Variants in LMX1B observed in about 807,000 individuals in gnomAD.
The protein encoded by LMX1B is LIM homeobox transcription factor 1 beta, also known as LIM homeobox transcription factor 1-beta.
Under a neutral mutation model 51.4 loss-of-function variants are expected in LMX1B, and 12 were observed. The observed-to-expected ratio is 0.23, with a 90% CI of 0.15 to 0.38. The LOEUF (loss-of-function observed/expected upper bound fraction) is 0.38, where lower values mean the gene tolerates loss of function less well. Among genes scored for constraint, LMX1B ranks in the 10% least tolerant of loss-of-function variants. The pLI is 1.00. For synonymous variants in LMX1B, 237 were observed against 235.4 expected (o/e 1.01, Z -0.06); for missense variants, 445 against 571.1 (o/e 0.78, Z 2.25).
chr9:126,614,927 G>A (rs2118821428), intron 1 of LMX1B, among the ~76,000 whole-genome samples: 1 of 152,202 alleles, frequency 6.6e-6, no homozygotes. Flanking sequence ...GTCACCTGGG[G>A]TGGGGGAGAT....
In LMX1B at chr9:126,699,219, AAG is replaced by A. The variant is rs2119005272; in HGVS notation, c.*2773_*2774del. 6.6e-6 allele frequency: 1 copy of A among 152,414 alleles called. No homozygotes were observed. The highest frequency in any genetic ancestry group is 2.1e-4 in the South Asian group (1 of 4,826). 9.4% of individuals were successfully genotyped at this position (152,414 alleles called of 1,614,324 possible). ...ATTTTATAGTTGGAAACCCTGAGGC[AAG>A]AGAGGGAAAGAGGCCTGTCCAAGGT... On this transcript the variant is annotated 3_prime_UTR_variant, in exon 8 of 8. Coordinates refer to ENST00000373474, the MANE Select transcript of LMX1B (RefSeq NM_001174147.2).
chr9:126,684,092 G>A (rs1216377750), intron 2 of LMX1B, among the ~76,000 whole-genome samples: 2 of 152,128 alleles, frequency 1.3e-5, no homozygotes, highest in Non-Finnish European at 2.9e-5. Context: ...AGAGGGTGTA[G>A]CCGGTGGGAA....
At position 126,618,220 on chromosome 9, in the gene LMX1B, C is replaced by G. The variant is rs1384466346; in HGVS notation, c.326+2651C>G. On this transcript the variant is annotated intron_variant, in intron 2 of 7. Coordinates refer to ENST00000373474, the MANE Select transcript of LMX1B (RefSeq NM_001174147.2). The surrounding 1 kb of genome is among the most constrained non-coding windows in gnomAD (Gnocchi z 4.5). ...ACAATCCCCCCACCAAACACAACTT[C>G]TGAAAAATGTGTCCTCACCCCTGGC... Among the ~76,000 whole-genome samples, 4 of 152,192 alleles carry G rather than the reference C, an allele frequency of 2.6e-5. No homozygotes were observed. The highest frequency in any genetic ancestry group is 2.0e-4 in the Admixed American group (3 of 15,288).
intron 2 of LMX1B, among the ~76,000 whole-genome samples, chr9:126,638,770 C>G (rs1405571846): frequency 1.3e-5 from 2 of 152,150 alleles, no homozygotes; most frequent in Admixed American, 1.3e-4. Context: ...AAAATTAACA[C>G]GGGCCGGCGG....
chr9:126,617,028 A>G (rs149818918), intron 2 of LMX1B, among the ~76,000 whole-genome samples: 1,705 of 152,368 alleles, frequency 0.011, 13 homozygotes, highest in Non-Finnish European at 0.015. Flanking sequence ...ATTTAGGCAC[A>G]CTGCCGTAGG....
rs189225664 is a variant in LMX1B at position 126,689,473 on chromosome 9, G to C, written c.327-1363G>C. Among the ~76,000 whole-genome samples the C allele has an allele frequency of 9.2e-3, 1,403 of 152,366 alleles. 12 individuals are homozygous for C. The highest frequency in any genetic ancestry group is 0.011 in the Non-Finnish European group (765 of 68,034). On this transcript the variant is annotated intron_variant, in intron 2 of 7. Transcript: ENST00000373474. Reference sequence around the variant, plus strand: ...AAGGTGGCGCCCGCAGACATGGCCCGGGGACGCCGGGAATGAAAAATGGTT... The same window carrying C: ...AAGGTGGCGCCCGCAGACATGGCCCCGGGACGCCGGGAATGAAAAATGGTT...
rs759716554 is a variant in LMX1B, at chr9:126,653,525, A to T, written c.327-37311A>T. On this transcript the variant is annotated intron_variant, in intron 2 of 7. Transcript: ENST00000373474. The stretch of plus-strand genomic sequence containing the variant: ...GTAGATTCATAGGCAATTGCAAAAA[A>T]TAGAGAGGTCCCTGTACCCTTTGCC... Among the ~76,000 whole-genome samples, 5 of 152,172 alleles carry T rather than the reference A, an allele frequency of 3.3e-5. No homozygotes were observed. The East Asian group carries it at 9.6e-4, about 29-fold the overall frequency.
Position 126,621,652 on chromosome 9 carries a change from C to CCTTTTTTTTTTTTT in LMX1B, c.326+6083_326+6084insCTTTTTTTTTTTTT, listed in dbSNP as rs1564145908. On this transcript the variant is annotated intron_variant, in intron 2 of 7. Transcript: ENST00000373474. ...CTATAGGGTTTTTCTCTCTCTCTCT[C>CCTTTTTTTTTTTTT]TTCTTTTTTTTTTTTTTTTTTTTTT... Among the ~76,000 whole-genome samples the CCTTTTTTTTTTTTT allele has an allele frequency of 7.0e-5, 7 of 100,306 alleles. 2 individuals are homozygous for CCTTTTTTTTTTTTT. The highest frequency in any genetic ancestry group is 9.3e-5 in the Non-Finnish European group (5 of 54,022). The allele number at this position is 100,306 out of a possible 152,430, so 65.8% of individuals were successfully genotyped here.
Position 126,677,653 on chromosome 9 carries a change from G to T in LMX1B, c.327-13183G>T, listed in dbSNP as rs1353013368. Among the ~76,000 whole-genome samples the T allele has an allele frequency of 6.6e-6, 1 of 152,218 alleles. No homozygotes were observed. Among genetic ancestry groups the T allele is most frequent in the African/African-American group, 2.4e-5 (1 of 41,460 alleles). On this transcript the variant is annotated intron_variant, in intron 2 of 7. Transcript: ENST00000373474. This position sits in a 1 kb window ranked among gnomAD's most constrained non-coding sequence, Gnocchi z 5.0. ...CTCCGGTAGTGGTCATGAGGCATCA[G>T]TGAGGCCCCTGAGTGTGAAGCTCTG...
chr9:126,629,962 G>A (rs149430049), intron 2 of LMX1B, among the ~76,000 whole-genome samples: 7,666 of 151,912 alleles, frequency 0.05, 631 homozygotes, highest in African/African-American at 0.18. Flanking sequence ...TGGTTAACAC[G>A]GTGAAACCCC....
At position 126,681,913 on chromosome 9, in the gene LMX1B, T is replaced by A. The variant is rs201421132; in HGVS notation, c.327-8923T>A. 2.2e-3 allele frequency among the ~76,000 whole-genome samples: 322 copies of A among 147,446 alleles called. 5 individuals are homozygous for A. In the East Asian group the frequency reaches 0.048, roughly 22 times the overall value. On this transcript the variant is annotated intron_variant, in intron 2 of 7. Transcript: ENST00000373474. Reference sequence around the variant, plus strand: ...GAGACTCCATCTCAAAAAAAAAAAATAATAATAATAAAATAAAATGCCAAT... The same window carrying A: ...GAGACTCCATCTCAAAAAAAAAAAAAAATAATAATAAAATAAAATGCCAAT...
intron 2 of LMX1B, among the ~76,000 whole-genome samples, chr9:126,683,256 G>A (rs1469961600): frequency 1.3e-5 from 2 of 151,282 alleles, no homozygotes; most frequent in Non-Finnish European, 3.0e-5. Context: ...TTCCAGCCGC[G>A]TGATTGACGC....
intron 2 of LMX1B, among the ~76,000 whole-genome samples, chr9:126,678,309 CAAAA>C (rs1365345216): frequency 1.5e-5 from 1 of 66,006 alleles, no homozygotes; most frequent in Non-Finnish European, 2.9e-5. Flanking sequence ...GACTTCGTCT[CAAAA>C]AAAAAAAACA....
rs2118831258 is a variant in LMX1B at position 126,618,382 on chromosome 9, A to G, written c.326+2813A>G. 6.6e-6 allele frequency among the ~76,000 whole-genome samples: 1 copy of G among 152,338 alleles called. No homozygotes were observed. Among genetic ancestry groups the G allele is most frequent in the South Asian group, 2.1e-4 (1 of 4,824 alleles). ...TACGCACCACGGGGGTGATTAATTG[A>G]CACTGGGGCACATTGAGCCGAATTT... is the stretch of plus-strand genomic sequence containing the variant. On this transcript the variant is annotated intron_variant, in intron 2 of 7. Transcript: ENST00000373474. This position sits in a 1 kb window ranked among gnomAD's most constrained non-coding sequence, Gnocchi z 4.5.
rs552531850 is a variant in LMX1B, at chr9:126,701,030, C to T, written c.*4579C>T. 2.0e-5 allele frequency: 3 copies of T among 152,444 alleles called. No homozygotes were observed. The highest frequency in any genetic ancestry group is 7.2e-5 in the African/African-American group (3 of 41,564). The allele number at this position is 152,444 out of a possible 1,614,324, so 9.4% of individuals were successfully genotyped here. Reference sequence around the variant, plus strand: ...ATTTGTAAATAAACCGACCTGTACACTCCTGTGGTCTTCTCCTTGGTGGGC... The same window carrying T: ...ATTTGTAAATAAACCGACCTGTACATTCCTGTGGTCTTCTCCTTGGTGGGC... On this transcript the variant is annotated 3_prime_UTR_variant, in exon 8 of 8. Transcript: ENST00000373474.
At chr9:126,616,396 T>A (rs1413962831) in intron 2 of LMX1B, among the ~76,000 whole-genome samples, 4 of 152,174 alleles carry the variant, frequency 2.6e-5, no homozygotes, top group Admixed American at 1.3e-4. Context: ...GAGACTGGAT[T>A]TGTATGGCCG....
At chr9:126,689,305 C>T (rs568389239) in intron 2 of LMX1B, among the ~76,000 whole-genome samples, 56 of 152,294 alleles carry the variant, frequency 3.7e-4, no homozygotes, top group Admixed American at 5.9e-4. Flanking sequence ...GCGGTTCTGA[C>T]GGCAGCTCCA....
Position 126,693,760 on chromosome 9 carries a change from G to C in LMX1B, c.834G>C (p.Ala278=). 6.5e-7 allele frequency: 1 copy of C among 1,543,094 alleles called. No homozygotes were observed. Among genetic ancestry groups the C allele is most frequent in the South Asian group, 1.2e-5 (1 of 84,780 alleles). The change falls in exon 6 of 8, where the codon GCG becomes GCC. Residue 278 remains alanine (A), a synonymous_variant. Transcript: ENST00000373474. ...TCTCCCTGCAGATGAAGAAGCTGGCGCGGCGGCACCAGCAGCAGCAGGAGC... is the reference window on the plus strand; with the variant it reads ...TCTCCCTGCAGATGAAGAAGCTGGCCCGGCGGCACCAGCAGCAGCAGGAGC... ...QNQRAKMKKL[A]RRHQQQQEQQ...
rs973819139 is a variant in LMX1B, at chr9:126,695,377, G to C, written c.887-462G>C. Among the ~76,000 whole-genome samples the C allele has an allele frequency of 6.6e-6, 1 of 152,160 alleles. No homozygotes were observed. The highest frequency in any genetic ancestry group is 2.1e-4 in the South Asian group (1 of 4,830). ...TGCACCCTCACTTACCCGGCGGTCT[G>C]TCTCCTCCATGCCTTTGCCGCCCCT... On this transcript the variant is annotated intron_variant, in intron 6 of 7. Coordinates refer to ENST00000373474, the MANE Select transcript of LMX1B (RefSeq NM_001174147.2). This position sits in a 1 kb window ranked among gnomAD's most constrained non-coding sequence, Gnocchi z 5.2.
Sources: allele counts gnomAD v4.1 joint callset (sites outside exome capture counted in the v4.1 genomes callset), GRCh38; gene constraint gnomAD v4.1.1; non-coding constraint Gnocchi (gnomAD v3.1); transcripts MANE v1.5; gene names NCBI Gene and HGNC (gene_info 2026-07-23, HGNC 2026-07-21).